Variants in UGT3A1 observed in about 807,000 individuals in gnomAD.
UGT3A1 encodes the protein UDP glycosyltransferase family 3 member A1.
In UGT3A1, 40 loss-of-function variants were observed where a neutral mutation model predicts 37.6. The ratio of observed to expected loss-of-function variants is 1.06; its 90% CI spans 0.83 to 1.38. The LOEUF is 1.38. UGT3A1 is among the 40% of genes most tolerant of loss of function. The pLI, the probability that UGT3A1 is intolerant of heterozygous loss-of-function variation, is 0.00. For synonymous variants in UGT3A1, 256 were observed against 232.3 expected (o/e 1.10, Z -0.93); for missense variants, 642 against 634.2 (o/e 1.01, Z -0.13).
intron 2 of UGT3A1, among the ~76,000 whole-genome samples, chr5:35,987,018 GT>G (rs1740754450): frequency 6.6e-6 from 1 of 151,940 alleles, no homozygotes; most frequent in Non-Finnish European, 1.5e-5. Context: ...AAATAATTAT[GT>G]TCTCCTTTAG....
Position 35,951,615 on chromosome 5 carries a change from T to C in UGT3A1, c.*2587A>G, listed in dbSNP as rs376451730. The C allele has an allele frequency of 2.6e-5, 4 of 152,244 alleles. No homozygotes were observed. Among genetic ancestry groups the C allele is most frequent in the East Asian group, 3.8e-4 (2 of 5,204 alleles). The allele number at this position is 152,244 out of a possible 1,614,324, so 9.4% of individuals were successfully genotyped here. A position where few individuals can be genotyped will look rare whatever the true frequency, so the allele number is the denominator to read the frequency against. Reference sequence around the variant, plus strand: ...AAATATTAGGTCTATGTGTAAGATATATGCTGCAGCTATGTTTCTCCAACT... The same window carrying C: ...AAATATTAGGTCTATGTGTAAGATACATGCTGCAGCTATGTTTCTCCAACT... On this transcript the variant is annotated 3_prime_UTR_variant, in exon 7 of 7. Coordinates refer to ENST00000274278, the MANE Select transcript of UGT3A1 (RefSeq NM_152404.4).
At chr5:35,995,405 T>C (rs1391938250), upstream of UGT3A1, among the ~76,000 whole-genome samples, 2 of 152,230 alleles carry the variant, frequency 1.3e-5, no homozygotes, top group Non-Finnish European at 2.9e-5. Flanking sequence ...AAGGGATCCC[T>C]GCCAATTGTC....
intron 2 of UGT3A1, among the ~76,000 whole-genome samples, chr5:35,996,776 G>A (rs1394410552): frequency 6.6e-6 from 1 of 152,182 alleles, no homozygotes; most frequent in Non-Finnish European, 1.5e-5. Flanking sequence ...GTGAAGTGGA[G>A]CAGAGAAGGA....
chr5:35,983,018 T>C (rs1426136927), intron 2 of UGT3A1, among the ~76,000 whole-genome samples: 4 of 152,218 alleles, frequency 2.6e-5, no homozygotes, highest in African/African-American at 9.6e-5. Context: ...TCTGCCACAA[T>C]TGTAAGTTTC....
chr5:35,974,805 A>C (rs1435178852), intron 2 of UGT3A1, among the ~76,000 whole-genome samples: 3 of 152,168 alleles, frequency 2.0e-5, no homozygotes, highest in African/African-American at 7.2e-5. Context: ...TTCACTCTCT[A>C]ACCTCAAGGA....
intron 1 of UGT3A1, among the ~76,000 whole-genome samples, chr5:35,998,426 C>T (rs1741144315): frequency 6.6e-6 from 1 of 152,218 alleles, no homozygotes; most frequent in Admixed American, 6.5e-5. Flanking sequence ...GCTGCATTCT[C>T]TGGATACCCT....
chr5:35,991,744 G>A, upstream of UGT3A1: 1 of 655,566 alleles, frequency 1.5e-6, no homozygotes, highest in South Asian at 6.7e-5. Context: ...AAAATCTCTA[G>A]CTGGTGTCCC....
intron 4 of UGT3A1, among the ~76,000 whole-genome samples, chr5:35,964,784 T>C (rs897239857): frequency 6.6e-6 from 1 of 152,240 alleles, no homozygotes; most frequent in Admixed American, 6.5e-5. Context: ...GAAAATCTTC[T>C]ATAGCAGTGG....
At chr5:35,962,719 G>C (rs113369963) in intron 4 of UGT3A1, 11 of 592,230 alleles carry the variant, frequency 1.9e-5, no homozygotes, top group African/African-American at 1.3e-4. Flanking sequence ...ACAATGAATG[G>C]TTCCTTCCTG....
chr5:35,986,466 A>G (rs1446086890), intron 2 of UGT3A1, among the ~76,000 whole-genome samples: 2 of 152,204 alleles, frequency 1.3e-5, no homozygotes, highest in African/African-American at 2.4e-5. Context: ...TGTGATTTAA[A>G]TCCACAATGA....
intron 2 of UGT3A1, among the ~76,000 whole-genome samples, chr5:35,975,422 A>G: frequency 6.6e-6 from 1 of 152,208 alleles, no homozygotes; most frequent in East Asian, 1.9e-4. Context: ...TCTTACTCAA[A>G]AAGCCACTTA....
At chr5:35,954,533 G>C in intron 6 of UGT3A1, 55 bp from the exon 7 acceptor site, 1 of 1,584,428 alleles carries the variant, frequency 6.3e-7, no homozygotes, top group Admixed American at 1.7e-5. Context: ...AAGTCTTACA[G>C]ACTTTGTATT....
chr5:35,961,212 T>G (rs1289233793), intron 4 of UGT3A1: 1 of 152,194 alleles, frequency 6.6e-6, no homozygotes, highest in East Asian at 1.9e-4. Context: ...CTAACTGCCA[T>G]TAGAATATGG....
chr5:35,998,027 A>G (rs1216340801), intron 1 of UGT3A1, among the ~76,000 whole-genome samples: 1 of 152,212 alleles, frequency 6.6e-6, no homozygotes, highest in African/African-American at 2.4e-5. Flanking sequence ...CTGGCAGGCT[A>G]TTACAGAAAC....
Position 35,954,454 on chromosome 5 carries a change from G to A in UGT3A1, c.1320C>T (p.Ala440=). 1 of 1,614,098 alleles carries A rather than the reference G, an allele frequency of 6.2e-7. No individual in the cohort carries two copies. The highest frequency in any genetic ancestry group is 8.5e-7 in the Non-Finnish European group (1 of 1,179,948). ...GGGGCTGAGAGTGCAGGATGACACTGGCTGCCACCACTGCCGACTTGTACC... is the reference window on the plus strand; with the variant it reads ...GGGGCTGAGAGTGCAGGATGACACTAGCTGCCACCACTGCCGACTTGTACC... ...DKRYKSAVVA[A]SVILHSQPLS... Residue 440 remains alanine, a synonymous_variant, in exon 7 of 7, where the codon GCC becomes GCT. Transcript: ENST00000274278.
At chr5:35,985,091 A>AAAG (rs1554074574) in intron 2 of UGT3A1, among the ~76,000 whole-genome samples, 3 of 149,882 alleles carry the variant, frequency 2.0e-5, no homozygotes, top group African/African-American at 4.9e-5. Context: ...AAAAAAAAAA[A>AAAG]AAAAGAAATT....
Position 35,965,920 on chromosome 5 carries a change from G to A in UGT3A1, c.312-3C>T, listed in dbSNP as rs538286598. On this transcript the variant is annotated splice_region_variant and splice_polypyrimidine_tract_variant and intron_variant, in intron 3 of 6. Transcript: ENST00000274278. ...TTACAAGGGCTTCAGATTCTTTTCT[G>A]TAATAAAGAAAATAAATAATAAATA... 6 of 1,516,028 alleles carry A rather than the reference G, an allele frequency of 4.0e-6. No individual in the cohort carries two copies. The East Asian group carries it at 1.4e-4, about 35-fold the overall frequency. 93.9% of individuals were successfully genotyped at this position (1,516,028 alleles called of 1,614,324 possible). A position where few individuals can be genotyped will look rare whatever the true frequency, so the allele number is the denominator to read the frequency against.
chr5:35,954,521 A>G, intron 6 of UGT3A1, 43 bp from the exon 7 acceptor site: 1 of 1,598,262 alleles, frequency 6.3e-7, no homozygotes, highest in South Asian at 1.1e-5. Flanking sequence ...ACGTAGCCTC[A>G]CAAGTCTTAC....
At chr5:35,981,351 T>C (rs551518107) in intron 2 of UGT3A1, among the ~76,000 whole-genome samples, 4 of 152,104 alleles carry the variant, frequency 2.6e-5, no homozygotes, top group Non-Finnish European at 5.9e-5. Context: ...GTGGCCCTTG[T>C]TGAATGATTT....
Sources: gnomAD v4.1 joint callset for allele counts (sites outside exome capture counted in the v4.1 genomes callset) on GRCh38, gnomAD v4.1.1 for gene constraint, MANE v1.5 for transcripts, NCBI Gene and HGNC (gene_info 2026-07-23, HGNC 2026-07-21) for gene names.